The following SENP1 variants were observed in gnomAD, a reference collection of about 807,000 sequenced individuals.
SENP1 encodes sentrin-specific protease 1.
Under a neutral mutation model 93.0 loss-of-function variants are expected in SENP1, and 21 were observed. The ratio of observed to expected loss-of-function variants is 0.23; its 90% CI spans 0.16 to 0.33. The LOEUF (loss-of-function observed/expected upper bound fraction) is 0.33, where lower values mean the gene tolerates loss of function less well. Among genes scored for constraint, SENP1 ranks in the 10% least tolerant of loss-of-function variants. The probability of loss-of-function intolerance (pLI) is 1.00; values close to 1 mark genes in which losing one functional copy is unlikely to be tolerated. For missense variants in SENP1, 591 were observed against 758.7 expected, an observed-to-expected ratio of 0.78 and a Z score of 2.60; for synonymous variants, 256 against 259.6, an observed-to-expected ratio of 0.99 and a Z score of 0.13.
intron 2 of SENP1, among the ~76,000 whole-genome samples, chr12:48,099,834 CA>C (rs1401801810): frequency 6.6e-6 from 1 of 152,174 alleles, no homozygotes; most frequent in Non-Finnish European, 1.5e-5. Flanking sequence ...TCTGCCTGAA[CA>C]TTTTTTTAAA....
intron 13 of SENP1, among the ~76,000 whole-genome samples, chr12:48,056,323 TATAA>T (rs1404825765): frequency 4.4e-4 from 35 of 79,422 alleles, no homozygotes; most frequent in South Asian, 1.7e-3. Context: ...ATATCACATA[TATAA>T]ATATTATTTA....
At chr12:48,070,779 C>T (rs375850607) in intron 9 of SENP1, among the ~76,000 whole-genome samples, 12 of 152,250 alleles carry the variant, frequency 7.9e-5, no homozygotes, top group African/African-American at 2.4e-4. Flanking sequence ...ACTCTGATTG[C>T]AGCATGGAAG....
At chr12:48,056,269 AT>A (rs1942314200) in intron 13 of SENP1, among the ~76,000 whole-genome samples, 1 of 118,920 alleles carries the variant, frequency 8.4e-6, no homozygotes, top group Non-Finnish European at 1.6e-5. Context: ...ATATTACTTA[AT>A]GTATTATATA....
In SENP1 at chr12:48,044,841, TGTGTGTGTGTGTGTGTTTGTGTGTGTGG is replaced by T. The variant is rs1218827169; in HGVS notation, c.*453_*480del. 4 of 153,186 alleles carry T rather than the reference TGTGTGTGTGTGTGTGTTTGTGTGTGTGG, an allele frequency of 2.6e-5. No individual in the cohort carries two copies. The highest frequency in any genetic ancestry group is 4.4e-5 in the Non-Finnish European group (3 of 68,734). The allele number at this position is 153,186 out of a possible 1,614,324, so 9.5% of individuals were successfully genotyped here. On this transcript the variant is annotated 3_prime_UTR_variant, in exon 18 of 18. Transcript: ENST00000549518. ...ATTCCTGACCATACATCGTGAAAAT[TGTGTGTGTGTGTGTGTTTGTGTGTGTGG>T]GTGTGTGTGTATGTCCATGTATATG...
At chr12:48,095,535 CAAAAAAAAAA>C (rs3054235) in intron 4 of SENP1, among the ~76,000 whole-genome samples, 1 of 85,882 alleles carries the variant, frequency 1.2e-5, no homozygotes, top group Non-Finnish European at 2.3e-5. Context: ...GACTCTGTGT[CAAAAAAAAAA>C]AAAAAAAAAA....
At chr12:48,056,273 A>G (rs189468509) in intron 13 of SENP1, among the ~76,000 whole-genome samples, 20,725 of 117,304 alleles carry the variant, frequency 0.18, 2,324 homozygotes, top group African/African-American at 0.31. Context: ...TACTTAATGT[A>G]TTATATATTA....
rs1051317623 is a variant in SENP1 at position 48,088,691 on chromosome 12, C to T, written c.380+110G>A. 35 of 1,061,158 alleles carry T rather than the reference C, an allele frequency of 3.3e-5. No individual in the cohort carries two copies. In the Admixed American group the frequency reaches 6.7e-4, roughly 20 times the overall value. The allele number at this position is 1,061,158 out of a possible 1,614,324, so 65.7% of individuals were successfully genotyped here. On this transcript the variant is annotated intron_variant, in intron 5 of 17. Coordinates refer to ENST00000549518, the MANE Select transcript of SENP1 (RefSeq NM_001267594.2). ...GTTCATATCCTTAAGGTTTAAAGTC[C>T]AAAAATGGTGTTACTCTTTTAAAAT...
intron 8 of SENP1, among the ~76,000 whole-genome samples, chr12:48,072,675 G>C (rs1052688437): frequency 1.3e-5 from 2 of 151,960 alleles, no homozygotes; most frequent in Non-Finnish European, 2.9e-5. Flanking sequence ...AAGTGAAAAG[G>C]TTAAAGTTTT....
intron 2 of SENP1, among the ~76,000 whole-genome samples, 165 bp downstream of exon 2, chr12:48,101,304 A>T (rs987894154): frequency 3.3e-5 from 5 of 152,172 alleles, no homozygotes; most frequent in African/African-American, 1.2e-4. Context: ...CAATAATAAT[A>T]ATTTTGTTTG....
At chr12:48,103,810 A>C (rs1946131293) in intron 1 of SENP1, among the ~76,000 whole-genome samples, 1 of 152,234 alleles carries the variant, frequency 6.6e-6, no homozygotes, top group Admixed American at 6.5e-5. Flanking sequence ...CTGAAAGAAC[A>C]AAAAAGATCA....
chr12:48,061,381 T>G (rs371483097), intron 13 of SENP1, among the ~76,000 whole-genome samples: 7 of 152,202 alleles, frequency 4.6e-5, no homozygotes, highest in African/African-American at 1.4e-4. Context: ...AAAAGACTGA[T>G]AGTTCACAAC....
At chr12:48,056,279 T>G (rs1942316410) in intron 13 of SENP1, among the ~76,000 whole-genome samples, 1 of 118,424 alleles carries the variant, frequency 8.4e-6, no homozygotes, top group Admixed American at 1.0e-4. Context: ...ATGTATTATA[T>G]ATTACATATA....
chr12:48,058,581 T>C (rs1942745207), intron 13 of SENP1, among the ~76,000 whole-genome samples: 1 of 152,208 alleles, frequency 6.6e-6, no homozygotes, highest in African/African-American at 2.4e-5. Flanking sequence ...CCACTTTATG[T>C]AGAGTAGAAG....
intron 4 of SENP1, among the ~76,000 whole-genome samples, chr12:48,093,939 G>A (rs60567660): frequency 0.23 from 34,473 of 151,960 alleles, 4,570 homozygotes; most frequent in East Asian, 0.55. Flanking sequence ...TCCAGCCTGG[G>A]CAACAGAGTG....
intron 4 of SENP1, among the ~76,000 whole-genome samples, chr12:48,092,651 C>T (rs1261321791): frequency 6.6e-6 from 1 of 152,104 alleles, no homozygotes; most frequent in Non-Finnish European, 1.5e-5. Flanking sequence ...ATTCTCTAAT[C>T]ATCACCATAT....
At chr12:48,102,072 T>C (rs1202853692) in intron 1 of SENP1, among the ~76,000 whole-genome samples, 2 of 152,162 alleles carry the variant, frequency 1.3e-5, no homozygotes, top group Non-Finnish European at 2.9e-5. Context: ...CCTTTGCCTA[T>C]ATAAAAATTA....
At chr12:48,073,598 C>T (rs1943868058) in intron 8 of SENP1, among the ~76,000 whole-genome samples, 1 of 152,084 alleles carries the variant, frequency 6.6e-6, no homozygotes, top group Admixed American at 6.5e-5. Context: ...AGGAAACAAA[C>T]CTATCACGAC....
intron 2 of SENP1, among the ~76,000 whole-genome samples, chr12:48,098,717 A>T (rs1380356413): frequency 6.6e-6 from 1 of 151,880 alleles, no homozygotes; most frequent in Non-Finnish European, 1.5e-5. Flanking sequence ...AAGCTGAGGC[A>T]GGAGGACTGT....
intron 13 of SENP1, chr12:48,055,107 G>A (rs910311972): frequency 3.0e-5 from 7 of 234,606 alleles, no homozygotes; most frequent in Admixed American, 4.3e-5. Context: ...TTTTAGCCGT[G>A]GCAGTCCAGT....
Sources: gnomAD v4.1 joint callset for allele counts (sites outside exome capture counted in the v4.1 genomes callset) on GRCh38, gnomAD v4.1.1 for gene constraint, MANE v1.5 for transcripts, NCBI Gene and HGNC (gene_info 2026-07-23, HGNC 2026-07-21) for gene names.